Variants in VAMP7 observed in about 807,000 individuals in gnomAD.
VAMP7 encodes the protein vesicle associated membrane protein 7, also known as vesicle-associated membrane protein 7.
VAMP7 carries 14 observed loss-of-function variants against 29.6 expected under a neutral mutation model. The observed-to-expected ratio is 0.47, with a 90% CI of 0.31 to 0.74. The LOEUF (loss-of-function observed/expected upper bound fraction) is 0.74. Ranked by LOEUF, VAMP7 falls within the 30% of genes least tolerant of loss-of-function variation. VAMP7 has a pLI of 0.05. For synonymous variants in VAMP7, 95 were observed against 88.1 expected (o/e 1.08, Z -0.44); for missense variants, 223 against 262.4 (o/e 0.85, Z 1.04).
rs1184488438 is a variant in VAMP7 at position 155,908,138 on chromosome X, C to T, written c.433+7551C>T. ...GATGGGTGCCCAGGCAGAGACGCTC[C>T]TCACTTCCCAGACGGGGTGGCGGCT... On this transcript the variant is annotated intron_variant, in intron 5 of 7. Coordinates refer to ENST00000286448, the MANE Select transcript of VAMP7 (RefSeq NM_005638.6). 3.9e-5 allele frequency among the ~76,000 whole-genome samples: 6 copies of T among 152,312 alleles called. No homozygotes were observed. In the East Asian group the frequency reaches 1.2e-3, roughly 29 times the overall value.
At chrX:155,931,150 G>T (rs957892398) in intron 6 of VAMP7, among the ~76,000 whole-genome samples, 1 of 152,098 alleles carries the variant, frequency 6.6e-6, no homozygotes, top group Non-Finnish European at 1.5e-5. Flanking sequence ...TTGCTATTGT[G>T]AATAGTGCCA....
chrX:155,927,935 T>C (rs1437464266), intron 6 of VAMP7, among the ~76,000 whole-genome samples: 1 of 152,080 alleles, frequency 6.6e-6, no homozygotes, highest in East Asian at 1.9e-4. Flanking sequence ...TTTTGTTTTT[T>C]TAAGACAGAG....
At chrX:155,936,233 C>G (rs1003209901) in intron 6 of VAMP7, among the ~76,000 whole-genome samples, 19 of 152,188 alleles carry the variant, frequency 1.2e-4, no homozygotes, top group African/African-American at 4.6e-4. Context: ...AGCTGTCAGA[C>G]AGGGACATTT....
At chrX:155,889,260 A>T (rs1208094709) in intron 1 of VAMP7, among the ~76,000 whole-genome samples, 198 bp from the exon 2 acceptor site, 1 of 152,130 alleles carries the variant, frequency 6.6e-6, no homozygotes, top group Non-Finnish European at 1.5e-5. Context: ...AATGCATACA[A>T]GCATGGCTTA....
chrX:155,937,560 C>T (rs1233579502), intron 6 of VAMP7, among the ~76,000 whole-genome samples: 1 of 152,086 alleles, frequency 6.6e-6, no homozygotes, highest in Non-Finnish European at 1.5e-5. Flanking sequence ...GCCAATTATA[C>T]TTCAAGGCAG....
intron 5 of VAMP7, among the ~76,000 whole-genome samples, chrX:155,904,570 C>G (rs1161070451): frequency 6.6e-6 from 1 of 151,926 alleles, no homozygotes; most frequent in Non-Finnish European, 1.5e-5. Context: ...CTAAATGAAG[C>G]CCTGTACTCA....
chrX:155,908,573 GGGGAGA>G (rs974699853), intron 5 of VAMP7, among the ~76,000 whole-genome samples: 13 of 149,460 alleles, frequency 8.7e-5, no homozygotes, highest in East Asian at 4.1e-4. Context: ...AGAGGGGGAG[GGGGAGA>G]GGGAGAGGGA....
chrX:155,892,533 TC>T (rs1249659348), intron 2 of VAMP7, among the ~76,000 whole-genome samples: 1 of 152,122 alleles, frequency 6.6e-6, no homozygotes, highest in Non-Finnish European at 1.5e-5. Flanking sequence ...CTTTCTCTCT[TC>T]CTAGCCTTTG....
intron 1 of VAMP7, among the ~76,000 whole-genome samples, chrX:155,886,829 C>T (rs1401794159): frequency 2.6e-5 from 4 of 152,138 alleles, no homozygotes; most frequent in Admixed American, 1.3e-4. Context: ...TAAGCAATAT[C>T]GCATACCGTT....
At chrX:155,896,625 G>A (rs572684365) in intron 3 of VAMP7, among the ~76,000 whole-genome samples, 1 of 152,252 alleles carries the variant, frequency 6.6e-6, no homozygotes, top group South Asian at 2.1e-4. Flanking sequence ...CATGTCCGGA[G>A]TAGAGGGACT....
At chrX:155,915,739 C>T (rs1243521237) in intron 5 of VAMP7, among the ~76,000 whole-genome samples, 2 of 151,906 alleles carry the variant, frequency 1.3e-5, no homozygotes, top group Non-Finnish European at 2.9e-5. Context: ...CTGTTGGTTA[C>T]GATTTCCATT....
intron 5 of VAMP7, among the ~76,000 whole-genome samples, chrX:155,909,449 T>G (rs1447662849): frequency 6.6e-6 from 1 of 152,184 alleles, no homozygotes; most frequent in Non-Finnish European, 1.5e-5. Context: ...TAGATTTTTT[T>G]TCTATAGTTT....
chrX:155,913,451 C>T (rs987243758), intron 5 of VAMP7, among the ~76,000 whole-genome samples: 2 of 152,078 alleles, frequency 1.3e-5, no homozygotes, highest in African/African-American at 4.8e-5. Flanking sequence ...TTTGCCCATA[C>T]CTATGTCCTG....
chrX:155,922,535 T>TA (rs2066410926), intron 6 of VAMP7, among the ~76,000 whole-genome samples: 1 of 152,090 alleles, frequency 6.6e-6, no homozygotes, highest in Non-Finnish European at 1.5e-5. Flanking sequence ...TTTTCAGTGT[T>TA]AAACCAACTT....
chrX:155,937,453 G>A (rs2066677574), intron 6 of VAMP7, among the ~76,000 whole-genome samples: 1 of 152,138 alleles, frequency 6.6e-6, no homozygotes, highest in African/African-American at 2.4e-5. Context: ...GTGAGGTGAT[G>A]GATATTTTAC....
intron 6 of VAMP7, among the ~76,000 whole-genome samples, chrX:155,931,409 G>A (rs758446687): frequency 7.2e-5 from 11 of 152,248 alleles, no homozygotes; most frequent in African/African-American, 2.6e-4. Context: ...CATTCTAACT[G>A]GTGTGAGATG....
intron 6 of VAMP7, among the ~76,000 whole-genome samples, chrX:155,927,406 A>AG (rs1237595076): frequency 1.1e-5 from 1 of 87,084 alleles, no homozygotes; most frequent in Non-Finnish European, 2.3e-5. Context: ...CAGGCCAAGC[A>AG]GGAAAAAAAA....
chrX:155,903,647 C>T (rs966011359), intron 5 of VAMP7, among the ~76,000 whole-genome samples: 3 of 152,096 alleles, frequency 2.0e-5, no homozygotes, highest in Non-Finnish European at 4.4e-5. Context: ...AAATCAAAAC[C>T]ACAATGTGAT....
chrX:155,895,061 C>G (rs947104341), intron 2 of VAMP7, among the ~76,000 whole-genome samples: 2 of 152,142 alleles, frequency 1.3e-5, no homozygotes, highest in African/African-American at 4.8e-5. Context: ...CCCAGAGCAC[C>G]ATGTACTGCC....
Sources: allele counts gnomAD v4.1 joint callset (sites outside exome capture counted in the v4.1 genomes callset), GRCh38; gene constraint gnomAD v4.1.1; transcripts MANE v1.5; gene names NCBI Gene and HGNC (gene_info 2026-07-23, HGNC 2026-07-21).